ADGRB3: variants seen among roughly 807,000 people sequenced by gnomAD.
ADGRB3 encodes brain-specific angiogenesis inhibitor 3.
In ADGRB3, 37 loss-of-function variants were observed where a neutral mutation model predicts 193.4. The observed-to-expected ratio is 0.19, with a 90% CI of 0.15 to 0.25. ADGRB3 has a LOEUF of 0.25. Among genes scored for constraint, ADGRB3 ranks in the 10% least tolerant of loss-of-function variants. The probability of loss-of-function intolerance (pLI) is 1.00; values close to 1 mark genes in which losing one functional copy is unlikely to be tolerated. For synonymous variants in ADGRB3, 690 were observed against 644.2 expected (o/e 1.07, Z -1.08); for missense variants, 1,637 against 1,852.9 (o/e 0.88, Z 2.14).
chr6:68,727,441 G>A (rs982790584), intron 3 of ADGRB3, among the ~76,000 whole-genome samples: 1 of 151,560 alleles, frequency 6.6e-6, no homozygotes, highest in Non-Finnish European at 1.5e-5. Flanking sequence ...GCACCAAAAT[G>A]TGATCAATAA....
chr6:69,123,778 G>A (rs1473462034), intron 17 of ADGRB3, among the ~76,000 whole-genome samples: 1 of 152,108 alleles, frequency 6.6e-6, no homozygotes, highest in African/African-American at 2.4e-5. Flanking sequence ...AACATATCTG[G>A]CCTTCTACAG....
chr6:68,966,503 G>T (rs1045110063), intron 8 of ADGRB3, among the ~76,000 whole-genome samples: 1 of 152,062 alleles, frequency 6.6e-6, no homozygotes, highest in African/African-American at 2.4e-5. Context: ...GTTATTCCCA[G>T]TTCTCTTTGC....
chr6:69,200,522 C>A (rs1765397343), intron 17 of ADGRB3, among the ~76,000 whole-genome samples: 1 of 152,098 alleles, frequency 6.6e-6, no homozygotes, highest in South Asian at 2.1e-4. Context: ...TGGTGAGTGT[C>A]AAAGTCTGGG....
intron 31 of ADGRB3, among the ~76,000 whole-genome samples, chr6:69,388,356 T>G (rs1404981249): frequency 1.3e-5 from 2 of 152,080 alleles, no homozygotes; most frequent in East Asian, 3.9e-4. Context: ...TTTTCTACAT[T>G]TAATCTTAGT....
At chr6:69,286,736 T>G (rs1222518375) in intron 20 of ADGRB3, among the ~76,000 whole-genome samples, 1 of 152,212 alleles carries the variant, frequency 6.6e-6, no homozygotes, top group Admixed American at 6.5e-5. Context: ...TAAATCCACC[T>G]GGGAATCCAC....
chr6:68,929,013 G>T (rs1767260533), intron 3 of ADGRB3, among the ~76,000 whole-genome samples: 2 of 152,062 alleles, frequency 1.3e-5, no homozygotes, highest in Admixed American at 1.3e-4. Flanking sequence ...TTAAATGAGT[G>T]ATTAGATACT....
At position 68,943,746 on chromosome 6, in the gene ADGRB3, A is replaced by G. The variant is rs558478696; in HGVS notation, c.1031-84A>G. 167 of 1,157,678 alleles carry G rather than the reference A, an allele frequency of 1.4e-4. 1 individual carries two copies. The South Asian group carries it at 3.2e-3, about 22-fold the overall frequency. The allele number at this position is 1,157,678 out of a possible 1,614,324, so 71.7% of individuals were successfully genotyped here. A position where few individuals can be genotyped will look rare whatever the true frequency, so the allele number is the denominator to read the frequency against. The stretch of plus-strand genomic sequence containing the variant: ...TATCTTTACATTTGTCTATTTAATG[A>G]GTTTTGCTTTTTAATTATAAAGAAA... On this transcript the variant is annotated intron_variant, in intron 5 of 31. Transcript: ENST00000370598.
At chr6:68,643,438 C>CTTTTTTTTTT (rs765489730) in intron 3 of ADGRB3, among the ~76,000 whole-genome samples, 691 of 65,026 alleles carry the variant, frequency 0.011, 16 homozygotes, top group Non-Finnish European at 0.011. Flanking sequence ...CTTCATCTTC[C>CTTTTTTTTTT]TTTTTTTTTT....
intron 20 of ADGRB3, among the ~76,000 whole-genome samples, chr6:69,262,773 T>A (rs1162365686): frequency 6.6e-6 from 1 of 151,972 alleles, no homozygotes; most frequent in African/African-American, 2.4e-5. Flanking sequence ...TGTTAATCTC[T>A]TACTGTGCCT....
In ADGRB3 at chr6:69,080,782, A is replaced by C. The variant is rs372165192; in HGVS notation, c.2480+4744A>C. On this transcript the variant is annotated intron_variant, in intron 17 of 31. Transcript: ENST00000370598. ...CAGGAATTGAAAACTATTTAACTTC[A>C]AGAAGTTATGTTACCTTTGTAGCAC... 8.5e-5 allele frequency among the ~76,000 whole-genome samples: 13 copies of C among 152,180 alleles called. No individual in the cohort carries two copies. The East Asian group carries it at 2.3e-3, about 27-fold the overall frequency.
At position 68,956,600 on chromosome 6, in the gene ADGRB3, G is replaced by A. The variant is rs150132994; in HGVS notation, c.1361-45G>A. ...CTCAGATTTTAAAATTTTTAAAGGAGTGTGTGGTAGATGACTGACATTGAC... is the reference window on the plus strand; with the variant it reads ...CTCAGATTTTAAAATTTTTAAAGGAATGTGTGGTAGATGACTGACATTGAC... On this transcript the variant is annotated intron_variant, in intron 7 of 31. Coordinates refer to ENST00000370598, the MANE Select transcript of ADGRB3 (RefSeq NM_001704.3). 4.3e-4 allele frequency: 689 copies of A among 1,607,350 alleles called. 6 individuals are homozygous for A. The East Asian group carries it at 0.011, about 25-fold the overall frequency.
At chr6:68,792,963 T>C (rs903528439) in intron 3 of ADGRB3, among the ~76,000 whole-genome samples, 1 of 152,212 alleles carries the variant, frequency 6.6e-6, no homozygotes, top group African/African-American at 2.4e-5. Context: ...TTTTGATAGC[T>C]ACTTCATTTT....
chr6:68,884,061 A>G (rs1174858586), intron 3 of ADGRB3, among the ~76,000 whole-genome samples: 4 of 152,200 alleles, frequency 2.6e-5, no homozygotes, highest in African/African-American at 7.2e-5. Context: ...GTTTGGCACT[A>G]AATGTGACAC....
At chr6:68,652,561 TC>T (rs1368470774) in intron 3 of ADGRB3, among the ~76,000 whole-genome samples, 1 of 152,132 alleles carries the variant, frequency 6.6e-6, no homozygotes, top group Admixed American at 6.6e-5. Flanking sequence ...ATTAGCTTAC[TC>T]CAATCATGTG....
chr6:68,892,191 TCTAAA>T (rs71750095), intron 3 of ADGRB3, among the ~76,000 whole-genome samples: 19,108 of 152,144 alleles, frequency 0.13, 1,436 homozygotes, highest in East Asian at 0.27. Flanking sequence ...AAGTGTCATC[TCTAAA>T]CTATAGTTTG....
intron 17 of ADGRB3, among the ~76,000 whole-genome samples, chr6:69,112,523 C>A (rs1773395423): frequency 6.6e-6 from 1 of 152,040 alleles, no homozygotes; most frequent in Non-Finnish European, 1.5e-5. Context: ...AAGCACATTT[C>A]TCCATGTTTC....
rs570173847 is a variant in ADGRB3 at position 68,891,074 on chromosome 6, C to T, written c.758-39485C>T. Among the ~76,000 whole-genome samples the T allele has an allele frequency of 1.2e-4, 18 of 152,162 alleles. No homozygotes were observed. The East Asian group carries it at 1.7e-3, about 15-fold the overall frequency. ...GTCTTGGGAGGCCTCATAATTGTGGCAGAGGACAAGGAGGAGCAAGTCATG... is the reference window on the plus strand; with the variant it reads ...GTCTTGGGAGGCCTCATAATTGTGGTAGAGGACAAGGAGGAGCAAGTCATG... On this transcript the variant is annotated intron_variant, in intron 3 of 31. Coordinates refer to ENST00000370598, the MANE Select transcript of ADGRB3 (RefSeq NM_001704.3).
intron 20 of ADGRB3, among the ~76,000 whole-genome samples, chr6:69,301,709 A>G (rs1230612623): frequency 6.6e-6 from 1 of 151,968 alleles, no homozygotes; most frequent in East Asian, 1.9e-4. Context: ...ATTTTAAGAT[A>G]AATAAACCCA....
chr6:69,163,704 A>G (rs1453470669), intron 17 of ADGRB3, among the ~76,000 whole-genome samples: 3 of 152,018 alleles, frequency 2.0e-5, no homozygotes, highest in African/African-American at 4.8e-5. Flanking sequence ...ATACTGTACA[A>G]CCCTTTCAAG....
Sources: gnomAD v4.1 joint callset for allele counts (sites outside exome capture counted in the v4.1 genomes callset) on GRCh38, gnomAD v4.1.1 for gene constraint, MANE v1.5 for transcripts, NCBI Gene and HGNC (gene_info 2026-07-23, HGNC 2026-07-21) for gene names.